ARMC2: variants seen among roughly 807,000 people sequenced by gnomAD.
The protein encoded by ARMC2 is armadillo repeat-containing protein 2.
In ARMC2, 67 loss-of-function variants were observed where a neutral mutation model predicts 90.3. The ratio of observed to expected loss-of-function variants is 0.74; its 90% CI spans 0.61 to 0.91. ARMC2 has a LOEUF of 0.91. Among genes scored for constraint, ARMC2 ranks in the 40% least tolerant of loss-of-function variants. The pLI is 0.00. For synonymous variants in ARMC2, 393 were observed against 393.0 expected, an observed-to-expected ratio of 1.00 and a Z score of 0.00; for missense variants, 920 against 1,030.9, an observed-to-expected ratio of 0.89 and a Z score of 1.47.
At chr6:108,938,883 C>T (rs889367391) in intron 12 of ARMC2, among the ~76,000 whole-genome samples, 1 of 151,920 alleles carries the variant, frequency 6.6e-6, no homozygotes, top group African/African-American at 2.4e-5. Flanking sequence ...TGGAATAAAC[C>T]AACAAAAATC....
chr6:109,044,979 C>T, the ARMC2 span, among the ~76,000 whole-genome samples: 4 of 151,652 alleles, frequency 2.6e-5, no homozygotes, highest in Non-Finnish European at 4.4e-5. Context: ...GCTGAGATTG[C>T]GCCACTGCAC....
chr6:108,873,101 C>G (rs553093130), intron 4 of ARMC2, among the ~76,000 whole-genome samples: 4 of 152,174 alleles, frequency 2.6e-5, no homozygotes, highest in African/African-American at 9.7e-5. Context: ...TATTTTAGAC[C>G]TGGTCCTTAT....
At chr6:108,901,748 T>C (rs1183863877) in intron 7 of ARMC2, among the ~76,000 whole-genome samples, 1 of 152,190 alleles carries the variant, frequency 6.6e-6, no homozygotes, top group Admixed American at 6.5e-5. Flanking sequence ...AAACATTCTC[T>C]TATATATCTG....
At chr6:108,961,888 G>A in intron 14 of ARMC2, 126 bp from the exon 15 acceptor site, 1 of 959,218 alleles carries the variant, frequency 1.0e-6, no homozygotes, top group Non-Finnish European at 1.5e-6. Flanking sequence ...TCTTGCTAAA[G>A]TCCCTTACAG....
At chr6:108,885,216 A>C (rs1255211570) in intron 5 of ARMC2, among the ~76,000 whole-genome samples, 1 of 123,774 alleles carries the variant, frequency 8.1e-6, no homozygotes, top group Non-Finnish European at 1.7e-5. Context: ...TTATTAAAAA[A>C]GGTGCCAAGG....
intron 12 of ARMC2, among the ~76,000 whole-genome samples, chr6:108,952,363 C>G (rs1777253866): frequency 6.6e-6 from 1 of 152,190 alleles, no homozygotes; most frequent in East Asian, 1.9e-4. Context: ...CACAATTTAG[C>G]AAGTAATTAT....
intron 10 of ARMC2, among the ~76,000 whole-genome samples, chr6:108,914,160 G>GTGTGTGTGTA (rs976933198): frequency 6.6e-6 from 1 of 152,034 alleles, no homozygotes; most frequent in Non-Finnish European, 1.5e-5. Context: ...GTGTATGTCT[G>GTGTGTGTGTA]TGTGTGTGTA....
chr6:109,004,401 A>G, the ARMC2 span, among the ~76,000 whole-genome samples: 1 of 152,138 alleles, frequency 6.6e-6, no homozygotes, highest in East Asian at 1.9e-4. Flanking sequence ...ATTTTAAAGA[A>G]AGATTACTAT....
At chr6:109,051,100 C>T in the ARMC2 span, among the ~76,000 whole-genome samples, 8 of 151,780 alleles carry the variant, frequency 5.3e-5, no homozygotes, top group African/African-American at 1.7e-4. Flanking sequence ...GAGTCCTAAA[C>T]AACTAATTTG....
chr6:109,004,702 T>C, the ARMC2 span, among the ~76,000 whole-genome samples: 2 of 152,294 alleles, frequency 1.3e-5, no homozygotes, highest in Non-Finnish European at 2.9e-5. Context: ...ATGCTAGGAT[T>C]ACAGGTGTGA....
the ARMC2 span, among the ~76,000 whole-genome samples, chr6:109,005,202 T>C: frequency 6.6e-6 from 1 of 152,202 alleles, no homozygotes; most frequent in Admixed American, 6.5e-5. Flanking sequence ...TCAATAAAGT[T>C]CAGCATGACC....
At chr6:109,034,295 T>C in the ARMC2 span, among the ~76,000 whole-genome samples, 2 of 152,226 alleles carry the variant, frequency 1.3e-5, no homozygotes, top group Admixed American at 1.3e-4. Context: ...TAAAATTTGG[T>C]ATTTGTAATG....
rs533584356 is a variant in ARMC2 at position 108,937,985 on chromosome 6, C to T, written c.1596+986C>T. On this transcript the variant is annotated intron_variant, in intron 12 of 17. Transcript: ENST00000392644. ...AAAGTGCTGGGATTATAGGCGTGAGCCACTGCACCCGGCCACAGGCATTAA... is the reference window on the plus strand; with the variant it reads ...AAAGTGCTGGGATTATAGGCGTGAGTCACTGCACCCGGCCACAGGCATTAA... 3.3e-4 allele frequency among the ~76,000 whole-genome samples: 50 copies of T among 152,332 alleles called. 2 individuals are homozygous for T. Among genetic ancestry groups the T allele is most frequent in the Admixed American group, 2.0e-3 (31 of 15,302 alleles).
chr6:108,935,347 T>C (rs1355996659), intron 11 of ARMC2, among the ~76,000 whole-genome samples: 1 of 152,150 alleles, frequency 6.6e-6, no homozygotes, highest in Admixed American at 6.5e-5. Flanking sequence ...TTCTTCTATT[T>C]TAGTAAAAAA....
the ARMC2 span, among the ~76,000 whole-genome samples, chr6:108,990,357 T>G: frequency 0.18 from 27,090 of 152,192 alleles, 2,793 homozygotes; most frequent in African/African-American, 0.28. Context: ...GGTGTTCAGT[T>G]ACAAACTTTG....
the ARMC2 span, among the ~76,000 whole-genome samples, chr6:108,982,341 G>A: frequency 6.6e-6 from 1 of 152,102 alleles, no homozygotes; most frequent in Admixed American, 6.5e-5. Context: ...ATCCTCACAT[G>A]GTGGAGAGAG....
At chr6:108,942,699 G>A (rs1333506674) in intron 12 of ARMC2, among the ~76,000 whole-genome samples, 1 of 151,954 alleles carries the variant, frequency 6.6e-6, no homozygotes, top group East Asian at 1.9e-4. Context: ...AATATACACA[G>A]CCATTGCCAA....
intron 6 of ARMC2, among the ~76,000 whole-genome samples, chr6:108,898,554 C>CA (rs2128460201): frequency 1.3e-5 from 2 of 152,310 alleles, no homozygotes; most frequent in South Asian, 4.1e-4. Flanking sequence ...TAGCTACAGT[C>CA]AGTGTTTTAG....
the ARMC2 span, chr6:109,009,099 C>T: frequency 1.3e-6 from 1 of 773,998 alleles, no homozygotes; most frequent in Middle Eastern, 4.5e-4. Flanking sequence ...CGCAGTCTCT[C>T]CCAGCTTAGC....
Sources: gnomAD v4.1 joint callset for allele counts (sites outside exome capture counted in the v4.1 genomes callset) on GRCh38, gnomAD v4.1.1 for gene constraint, MANE v1.5 for transcripts, NCBI Gene and HGNC (gene_info 2026-07-23, HGNC 2026-07-21) for gene names.